PPAN: variants seen among roughly 807,000 people sequenced by gnomAD.
PPAN encodes peter pan homolog, also known as suppressor of SWI4 1 homolog.
A neutral mutation model predicts 48.5 loss-of-function variants in PPAN; 39 were observed. The observed-to-expected ratio is 0.80, with a 90% CI of 0.62 to 1.05. The LOEUF is 1.05. Among genes scored for constraint, PPAN ranks in the 50% least tolerant of loss-of-function variants. PPAN has a pLI of 0.00. For missense variants in PPAN, 736 were observed against 661.7 expected (o/e 1.11, Z -1.23); for synonymous variants, 315 against 268.6 (o/e 1.17, Z -1.69).
At chr19:10,109,820 C>G in intron 6 of PPAN, 93 bp from the exon 7 acceptor site, 1 of 1,592,866 alleles carries the variant, frequency 6.3e-7, no homozygotes. Context: ...AAAGTAAACG[C>G]CCTGACGCAC....
At position 10,107,598 on chromosome 19, in the gene PPAN, G is replaced by C. The variant is rs1211743731; in HGVS notation, c.283G>C (p.Val95Leu). ...GATCCTGAGCAAAACAGAGACCAAT[G>C]TCTACTTTGTGAGTAGACGCCCTCA... The part of the protein sequence containing the change: ...FLILSKTETN[V>L]YFKLMRLPGG... Residue 95 changes from valine to leucine, a missense_variant, in exon 3 of 12, where the codon GTC (valine) becomes CTC (leucine). Transcript: ENST00000253107. 2.5e-6 allele frequency: 4 copies of C among 1,614,106 alleles called. No individual in the cohort carries two copies. Among genetic ancestry groups the C allele is most frequent in the Non-Finnish European group, 3.4e-6 (4 of 1,180,018 alleles).
chr19:10,110,215 G>A lies in PPAN; in HGVS notation c.791G>A (p.Arg264Gln), dbSNP rs758969982. The A allele has an allele frequency of 9.3e-6, 15 of 1,611,012 alleles. No homozygotes were observed. Among genetic ancestry groups the A allele is most frequent in the East Asian group, 2.2e-5 (1 of 44,878 alleles). The change falls in exon 8 of 12, where the codon CGG becomes CAG. Residue 264 changes from arginine to glutamine, a missense_variant. By Grantham distance (43) the Arg-to-Gln change is conservative. Coordinates refer to ENST00000253107, the MANE Select transcript of PPAN (RefSeq NM_020230.7). This position sits in a 1 kb window ranked among gnomAD's most constrained non-coding sequence, Gnocchi z 5.9. ...GCTGTCGCTGGCCGTGGCAACATGCGGGCCCAGCAGAGTGCAGTGCGGCTC... is the reference window on the plus strand; with the variant it reads ...GCTGTCGCTGGCCGTGGCAACATGCAGGCCCAGCAGAGTGCAGTGCGGCTC... Reference protein sequence around the residue: ...PQAVAGRGNMRAQQSAVRLTE... With the variant: ...PQAVAGRGNMQAQQSAVRLTE...
intron 2 of PPAN, 166 bp downstream of exon 2, chr19:10,106,837 T>G: frequency 8.6e-7 from 1 of 1,156,444 alleles, no homozygotes; most frequent in Non-Finnish European, 1.2e-6. Context: ...TTTGCTGGGC[T>G]GGAGTGAGGG....
At chr19:10,107,715 C>T (rs140010724) in intron 3 of PPAN, 89 bp from the exon 4 acceptor site, 21,679 of 1,589,428 alleles carry the variant, frequency 0.014, 182 homozygotes, top group Non-Finnish European at 0.017. Flanking sequence ...TCAAAGTAAA[C>T]GCTCTGAAGA....
At chr19:10,107,650 TC>T in intron 3 of PPAN, 44 bp downstream of exon 3, 2 of 1,497,484 alleles carry the variant, frequency 1.3e-6, no homozygotes, top group Non-Finnish European at 1.8e-6. Flanking sequence ...GACCCCCCCT[TC>T]CCCTATCTCT....
At position 10,106,659 on chromosome 19, in the gene PPAN, C is replaced by T. The variant is rs778589107; in HGVS notation, c.177C>T (p.Ala59=). ...GGCGGGTCATGGAGCCGCTCACTGC[C>T]AGCCGTCTGCAGGTTTGTACCCCAC... ...DVRRVMEPLT[A]SRLQVRKKNS... The change falls in exon 2 of 12, where the codon GCC becomes GCT. Residue 59 remains alanine (A), a synonymous_variant. Transcript: ENST00000253107. 30 of 1,537,106 alleles carry T rather than the reference C, an allele frequency of 2.0e-5. No homozygotes were observed. The highest frequency in any genetic ancestry group is 1.8e-4 in the South Asian group (15 of 83,870).
In PPAN at chr19:10,110,706, C is replaced by G. The variant is rs756326157; in HGVS notation, c.1041C>G (p.Ser347Arg). ...QEQREAHRKK[S>R]LEGMKKARVG... is the part of the protein sequence containing the mutation. ...CCACGCCCTCCTCCAGAAAGAAGAGCCTGGAGGGCATGAAGAAGGCACGGG... is the reference window on the plus strand; with the variant it reads ...CCACGCCCTCCTCCAGAAAGAAGAGGCTGGAGGGCATGAAGAAGGCACGGG... The change falls in exon 11 of 12, where the codon AGC (serine) becomes AGG (arginine). Residue 347 changes from serine (S) to arginine (R), a missense_variant. Physicochemically the swap from Ser to Arg is moderately radical, Grantham distance 110 (BLOSUM62 -1). Coordinates refer to ENST00000253107, the MANE Select transcript of PPAN (RefSeq NM_020230.7). This position sits in a 1 kb window ranked among gnomAD's most constrained non-coding sequence, Gnocchi z 5.9. 8 of 1,613,524 alleles carry G rather than the reference C, an allele frequency of 5.0e-6. No individual in the cohort carries two copies. The South Asian group carries it at 7.7e-5, about 16-fold the overall frequency.
rs778016024 is a variant in PPAN at position 10,107,863 on chromosome 19, G to A, written c.342+9G>A. 1 of 1,612,850 alleles carries A rather than the reference G, an allele frequency of 6.2e-7. No homozygotes were observed. Among genetic ancestry groups the A allele is most frequent in the Non-Finnish European group, 8.5e-7 (1 of 1,178,954 alleles). ...CCTTCCAGGTCAAGAAGGTGAGAGGGGTGGAGGTGGTACAAAGCCATGTGG... is the reference window on the plus strand; with the variant it reads ...CCTTCCAGGTCAAGAAGGTGAGAGGAGTGGAGGTGGTACAAAGCCATGTGG... On this transcript the variant is annotated intron_variant, in intron 4 of 11. Coordinates refer to ENST00000253107, the MANE Select transcript of PPAN (RefSeq NM_020230.7).
intron 3 of PPAN, 79 bp downstream of exon 3, chr19:10,107,685 AGCT>A (rs1329762223): frequency 6.3e-7 from 1 of 1,598,260 alleles, no homozygotes; most frequent in South Asian, 1.1e-5. Context: ...TATGCCTCTG[AGCT>A]GCTGTGATTT....
chr19:10,109,605 A>G, intron 5 of PPAN, 26 bp from the exon 6 acceptor site: 1 of 1,606,138 alleles, frequency 6.2e-7, no homozygotes, highest in Non-Finnish European at 8.5e-7. Context: ...AGTCTACTGG[A>G]CTATGCTCTC....
At chr19:10,109,575 C>T in intron 5 of PPAN, 56 bp from the exon 6 acceptor site, 1 of 1,543,522 alleles carries the variant, frequency 6.5e-7, no homozygotes, top group Non-Finnish European at 8.8e-7. Flanking sequence ...AAAGCCCCCA[C>T]TTCCCCAAAC....
chr19:10,111,460 A>G lies in PPAN; in HGVS notation c.*295A>G, dbSNP rs1016577496. 5 of 619,424 alleles carry G rather than the reference A, an allele frequency of 8.1e-6. No individual in the cohort carries two copies. In the African/African-American group the frequency reaches 9.2e-5, roughly 11 times the overall value. 38.4% of individuals were successfully genotyped at this position (619,424 alleles called of 1,614,324 possible). On this transcript the variant is annotated 3_prime_UTR_variant, in exon 12 of 12. Coordinates refer to ENST00000253107, the MANE Select transcript of PPAN (RefSeq NM_020230.7). ...GGTTGGTTTCATTGGTGGCAGCAGC[A>G]GCCATGAGTGGCCCCTCCCCCCAGT... is the stretch of plus-strand genomic sequence containing the variant.
chr19:10,107,153 C>G (rs879938519), intron 2 of PPAN: 2 of 397,552 alleles, frequency 5.0e-6, no homozygotes, highest in African/African-American at 4.1e-5. Flanking sequence ...TGCCACTTCA[C>G]TCCAGTCTGG....
chr19:10,111,433 G>A lies in PPAN; in HGVS notation c.*268G>A, dbSNP rs537941843. The A allele has an allele frequency of 9.2e-5, 58 of 627,618 alleles. No individual in the cohort carries two copies. Among genetic ancestry groups the A allele is most frequent in the East Asian group, 2.5e-4 (9 of 36,388 alleles). 38.9% of individuals were successfully genotyped at this position (627,618 alleles called of 1,614,324 possible). ...GCTGGGTCTCTCCCCTACCCTGCAC[G>A]GGGTTGGTTTCATTGGTGGCAGCAG... On this transcript the variant is annotated 3_prime_UTR_variant, in exon 12 of 12. Coordinates refer to ENST00000253107, the MANE Select transcript of PPAN (RefSeq NM_020230.7).
rs140229341 is a variant in PPAN at position 10,109,946 on chromosome 19, C to A, written c.624C>A (p.Arg208=). The stretch of plus-strand genomic sequence containing the variant: ...AAGTTGTTCCTGTGGGCGCGAGTCG[C>A]GGGATGAAGAAGCTGCTCCAGGAGA... The part of the protein sequence containing the change: ...SIKVVPVGAS[R]GMKKLLQEKF... The change falls in exon 7 of 12, where the codon CGC becomes CGA. Residue 208 remains arginine (R), a synonymous_variant. Coordinates refer to ENST00000253107, the MANE Select transcript of PPAN (RefSeq NM_020230.7). 12 of 1,613,940 alleles carry A rather than the reference C, an allele frequency of 7.4e-6. No homozygotes were observed. Among genetic ancestry groups the A allele is most frequent in the South Asian group, 1.1e-5 (1 of 91,084 alleles).
chr19:10,108,135 G>T lies in PPAN; in HGVS notation c.513+1G>T. On this transcript the variant is annotated splice_donor_variant, in intron 5 of 11. Transcript: ENST00000253107. LOFTEE classifies it high-confidence loss of function. ...GTTCCCCTCCATCAACGTGCACAAG[G>T]TGGGTCTGGCCTGGCGAGGTGGCAG... 1 of 1,608,458 alleles carries T rather than the reference G, an allele frequency of 6.2e-7. No homozygotes were observed. Among genetic ancestry groups the T allele is most frequent in the Non-Finnish European group, 8.5e-7 (1 of 1,176,862 alleles).
intron 3 of PPAN, 69 bp from the exon 4 acceptor site, chr19:10,107,735 G>T (rs1466878568): frequency 1.2e-6 from 2 of 1,612,070 alleles, no homozygotes; most frequent in African/African-American, 1.3e-5. Context: ...AAGAGATGGG[G>T]CAAAGGTGCC....
chr19:10,106,587 G>C lies in PPAN; in HGVS notation c.105G>C (p.Thr35=), dbSNP rs751806988. Reference sequence around the variant, plus strand: ...CGAACCCGCACTCGTTCGTGTTCACGCGAGGCTGCACGGGTCGCAACATCC... The same window carrying C: ...CGAACCCGCACTCGTTCGTGTTCACCCGAGGCTGCACGGGTCGCAACATCC... ...YAANPHSFVF[T]RGCTGRNIRQ... The change falls in exon 2 of 12, where the codon ACG becomes ACC. Residue 35 remains threonine (T), a synonymous_variant. Coordinates refer to ENST00000253107, the MANE Select transcript of PPAN (RefSeq NM_020230.7). The C allele has an allele frequency of 3.2e-6, 5 of 1,552,224 alleles. No individual in the cohort carries two copies. The South Asian group carries it at 5.9e-5, about 18-fold the overall frequency.
In PPAN at chr19:10,106,362, G is replaced by GGA. The variant is rs761319840; in HGVS notation, c.-32_-31dup. The GGA allele has an allele frequency of 3.9e-6, 6 of 1,548,838 alleles. No homozygotes were observed. The highest frequency in any genetic ancestry group is 5.2e-6 in the Non-Finnish European group (6 of 1,145,794). On this transcript the variant is annotated 5_prime_UTR_variant, in exon 1 of 12. Coordinates refer to ENST00000253107, the MANE Select transcript of PPAN (RefSeq NM_020230.7). ...TGAGCTGCGCAGCGCCGGAAGCGGC[G>GGA]GACGCAGGAGGCCTCGTGGAGGACA...
Sources: allele counts gnomAD v4.1 joint callset, GRCh38; gene constraint gnomAD v4.1.1; non-coding constraint Gnocchi (gnomAD v3.1); transcripts MANE v1.5; gene names NCBI Gene and HGNC (gene_info 2026-07-23, HGNC 2026-07-21).